The following EIF4G1 variants were observed in gnomAD, a reference collection of about 807,000 sequenced individuals.
EIF4G1 encodes the protein EIF4-gamma.
In EIF4G1, 4 loss-of-function variants were observed where a neutral mutation model predicts 187.8. That is an observed-to-expected ratio of 0.02 (90% CI 0.01 to 0.05). The LOEUF (loss-of-function observed/expected upper bound fraction) is 0.05, where lower values mean the gene tolerates loss of function less well. Among genes scored for constraint, EIF4G1 ranks in the 10% least tolerant of loss-of-function variants. The probability of loss-of-function intolerance (pLI) is 1.00; values close to 1 mark genes in which losing one functional copy is unlikely to be tolerated. For missense variants in EIF4G1, 1,647 were observed against 2,081.1 expected (o/e 0.79, Z 4.06); for synonymous variants, 844 against 781.4 (o/e 1.08, Z -1.34).
Position 184,315,548 on chromosome 3 carries a change from G to T in EIF4G1, c.-35+3G>T. The T allele has an allele frequency of 1.3e-6, 1 of 750,548 alleles. No homozygotes were observed. Among genetic ancestry groups the T allele is most frequent in the African/African-American group, 1.7e-5 (1 of 58,810 alleles). The allele number at this position is 750,548 out of a possible 1,614,324, so 46.5% of individuals were successfully genotyped here. Reference sequence around the variant, plus strand: ...TGGACTTGTTCTTAATCGAGGGGGTGAGTGAGGGGTCTGTTTCAGTAGGTC... The same window carrying T: ...TGGACTTGTTCTTAATCGAGGGGGTTAGTGAGGGGTCTGTTTCAGTAGGTC... On this transcript the variant is annotated splice_donor_region_variant and intron_variant, in intron 2 of 32. Transcript: ENST00000346169.
intron 28 of EIF4G1, among the ~76,000 whole-genome samples, chr3:184,329,386 A>G (rs1002459960): frequency 6.6e-6 from 1 of 152,224 alleles, no homozygotes; most frequent in Non-Finnish European, 1.5e-5. Context: ...TAATCCCAGC[A>G]CTTTGAGAGG....
chr3:184,321,734 C>A lies in EIF4G1; in HGVS notation c.1150C>A (p.Pro384Thr). The A allele has an allele frequency of 6.3e-7, 1 of 1,597,312 alleles. No individual in the cohort carries two copies. The highest frequency in any genetic ancestry group is 8.6e-7 in the Non-Finnish European group (1 of 1,169,264). Reference sequence around the variant, plus strand: ...GTCAAGCCCAGAGCTTGCTCCTCCCCCAGCTTGCCCCTCCGAATCCCCTGT... The same window carrying A: ...GTCAAGCCCAGAGCTTGCTCCTCCCACAGCTTGCCCCTCCGAATCCCCTGT... The part of the protein sequence containing the change: ...VESSPELAPP[P>T]ACPSESPVPI... Residue 384 changes from proline to threonine, a missense_variant, in exon 10 of 33, where the codon CCA becomes ACA. Transcript: ENST00000346169.
intron 17 of EIF4G1, among the ~76,000 whole-genome samples, chr3:184,324,643 A>G (rs1034493690): frequency 4.6e-5 from 7 of 152,038 alleles, no homozygotes; most frequent in Non-Finnish European, 1.0e-4. Flanking sequence ...TGTATTTTTA[A>G]TAGAGACGGG....
chr3:184,317,647 C>G (rs1723030202), intron 5 of EIF4G1, 70 bp from the exon 6 acceptor site: 2 of 1,538,748 alleles, frequency 1.3e-6, no homozygotes, highest in African/African-American at 1.4e-5. Context: ...GACCTATGTT[C>G]TTTTTGGAGT....
At position 184,323,313 on chromosome 3, in the gene EIF4G1, G is replaced by A. The variant is rs1002136274; in HGVS notation, c.2088+72G>A. 198 of 1,611,472 alleles carry A rather than the reference G, an allele frequency of 1.2e-4. No homozygotes were observed. The highest frequency in any genetic ancestry group is 1.5e-4 in the Non-Finnish European group (175 of 1,178,186). The stretch of plus-strand genomic sequence containing the variant: ...GATGATTCCGTGTCTCAGTGCCCGC[G>A]GGGAGGGGTTTGCCCTGGAGGCGTG... On this transcript the variant is annotated intron_variant, in intron 14 of 32. Transcript: ENST00000346169. The surrounding 1 kb of genome is among the most constrained non-coding windows in gnomAD (Gnocchi z 6.9).
chr3:184,320,587 G>A, intron 7 of EIF4G1, 43 bp from the exon 8 acceptor site: 13 of 1,613,794 alleles, frequency 8.1e-6, no homozygotes, highest in South Asian at 3.3e-5. Flanking sequence ...GGAGAGGTGG[G>A]CTCTTCCTGC....
In EIF4G1 at chr3:184,325,448, A is replaced by T. The variant is rs984685906; in HGVS notation, c.2962-32A>T. On this transcript the variant is annotated intron_variant, in intron 19 of 32. Coordinates refer to ENST00000346169, the MANE Select transcript of EIF4G1 (RefSeq NM_198241.3). This position sits in a 1 kb window ranked among gnomAD's most constrained non-coding sequence, Gnocchi z 5.2. ...ACACTGCCTTGTCTTGCCTTCCCTG[A>T]CATCATCGTGACTGGCCCTCTGTCT... 6.2e-7 allele frequency: 1 copy of T among 1,614,022 alleles called. No homozygotes were observed. Among genetic ancestry groups the T allele is most frequent in the East Asian group, 2.2e-5 (1 of 44,892 alleles).
chr3:184,323,230 C>T lies in EIF4G1; in HGVS notation c.2077C>T (p.Pro693Ser), dbSNP rs1047827919. The change falls in exon 14 of 33, where the codon CCC becomes TCC. Residue 693 changes from proline (P) to serine (S), a missense_variant. Pro to Ser is a moderately conservative substitution (Grantham distance 74). Around this residue, in one of 11 missense-constraint regions of EIF4G1, gnomAD observed 140 missense variants for 222.2 expected, o/e 0.63. Transcript: ENST00000346169. The surrounding 1 kb of genome is among the most constrained non-coding windows in gnomAD (Gnocchi z 6.9). Reference protein sequence around the residue: ...PPRGGPGGELPRGPAGLGPRR... With the variant: ...PPRGGPGGELSRGPAGLGPRR... The stretch of plus-strand genomic sequence containing the variant: ...AAGGGGTGGGCCAGGTGGGGAGCTG[C>T]CCCGTGGGCCGGTGAGTGGGGCTGG... 2.5e-6 allele frequency: 4 copies of T among 1,614,002 alleles called. No homozygotes were observed. In the East Asian group the frequency reaches 8.9e-5, roughly 36 times the overall value.
intron 32 of EIF4G1, among the ~76,000 whole-genome samples, chr3:184,333,113 A>G (rs994247814): frequency 2.0e-5 from 3 of 151,984 alleles, no homozygotes; most frequent in Admixed American, 6.6e-5. Flanking sequence ...ATACTTAGGA[A>G]ATGGAGTTGG....
intron 22 of EIF4G1, 66 bp downstream of exon 22, chr3:184,326,695 C>T (rs2108502840): frequency 6.3e-7 from 1 of 1,578,168 alleles, no homozygotes; most frequent in Non-Finnish European, 8.6e-7. Flanking sequence ...AGAGCCTTTT[C>T]TGTTAGGGAG....
intron 17 of EIF4G1, 122 bp downstream of exon 17, chr3:184,324,469 C>T (rs1560219397): frequency 1.0e-5 from 15 of 1,462,582 alleles, no homozygotes; most frequent in East Asian, 7.2e-5. Flanking sequence ...TGGCTCAGGA[C>T]GTTTTTTTTC....
At position 184,320,854 on chromosome 3, in the gene EIF4G1, G is replaced by T. The variant is rs779712489; in HGVS notation, c.631-73G>T. ...TCCTGGATTTCTAGGCAGAGCTAAA[G>T]TAGAAATGGCTCTAGTAAAGAAGGG... On this transcript the variant is annotated intron_variant, in intron 8 of 32. Coordinates refer to ENST00000346169, the MANE Select transcript of EIF4G1 (RefSeq NM_198241.3). 4.6e-5 allele frequency: 74 copies of T among 1,608,484 alleles called. 1 individual carries two copies. The highest frequency in any genetic ancestry group is 3.0e-4 in the South Asian group (27 of 90,696).
chr3:184,331,705 G>A, intron 30 of EIF4G1, 23 bp from the exon 31 acceptor site: 1 of 1,614,156 alleles, frequency 6.2e-7, no homozygotes, highest in African/African-American at 1.3e-5. Context: ...AGAATCTGGG[G>A]ATCATTTGTT....
chr3:184,335,090 A>G lies in EIF4G1; in HGVS notation c.*182A>G. On this transcript the variant is annotated 3_prime_UTR_variant, in exon 33 of 33. Transcript: ENST00000346169. ...GGGGCTGCCTGGGCCCCCCTCCAGG[A>G]TGCCGCCAGGTGTCCCTCTCCTCCC... The G allele has an allele frequency of 1.4e-6, 1 of 737,810 alleles. No individual in the cohort carries two copies. The highest frequency in any genetic ancestry group is 2.2e-6 in the Non-Finnish European group (1 of 448,310). 45.7% of individuals were successfully genotyped at this position (737,810 alleles called of 1,614,324 possible).
chr3:184,333,841 T>C (rs1726593922), intron 32 of EIF4G1, among the ~76,000 whole-genome samples: 1 of 152,130 alleles, frequency 6.6e-6, no homozygotes, highest in Admixed American at 6.5e-5. Context: ...GCATAATCGA[T>C]TGGATGGGGT....
intron 24 of EIF4G1, 22 bp downstream of exon 24, chr3:184,327,470 G>A: frequency 6.2e-7 from 1 of 1,613,610 alleles, no homozygotes; most frequent in Non-Finnish European, 8.5e-7. Flanking sequence ...GGAGAGGAAT[G>A]GAGGGAAAGG....
At chr3:184,331,445 C>G (rs1014774016) in intron 29 of EIF4G1, 27 bp from the exon 30 acceptor site, 1 of 1,614,168 alleles carries the variant, frequency 6.2e-7, no homozygotes, top group African/African-American at 1.3e-5. Context: ...AACCTTACCT[C>G]TTAACTGCGG....
chr3:184,315,667 C>T, intron 2 of EIF4G1, 96 bp from the exon 3 acceptor site: 3 of 909,624 alleles, frequency 3.3e-6, no homozygotes, highest in South Asian at 1.4e-5. Flanking sequence ...TCTGGGACTC[C>T]GTATGGGACC....
chr3:184,335,300 G>GC lies in EIF4G1; in HGVS notation c.*393dup, dbSNP rs1726906269. ...CTGTACCACCCCTGCTGTTGCCTGGGCAGGGGGAAGGGGGGGCACGGTGCC... is the reference window on the plus strand; with the variant it reads ...CTGTACCACCCCTGCTGTTGCCTGGGCCAGGGGGAAGGGGGGGCACGGTGCC... On this transcript the variant is annotated 3_prime_UTR_variant, in exon 33 of 33. Coordinates refer to ENST00000346169, the MANE Select transcript of EIF4G1 (RefSeq NM_198241.3). 1 of 245,606 alleles carries GC rather than the reference G, an allele frequency of 4.1e-6. No individual in the cohort carries two copies. The highest frequency in any genetic ancestry group is 2.2e-5 in the African/African-American group (1 of 44,826). 15.2% of individuals were successfully genotyped at this position (245,606 alleles called of 1,614,324 possible).
Sources: allele counts gnomAD v4.1 joint callset (sites outside exome capture counted in the v4.1 genomes callset), GRCh38; gene constraint gnomAD v4.1.1; regional missense constraint gnomAD v4.1.1; non-coding constraint Gnocchi (gnomAD v3.1); transcripts MANE v1.5; gene names NCBI Gene and HGNC (gene_info 2026-07-23, HGNC 2026-07-21).